SLC24A3: variants seen among roughly 807,000 people sequenced by gnomAD.
The protein encoded by SLC24A3 is solute carrier family 24 member 3.
In SLC24A3, 28 loss-of-function variants were observed where a neutral mutation model predicts 75.8. The observed-to-expected ratio is 0.37, with a 90% CI of 0.27 to 0.51. The LOEUF (loss-of-function observed/expected upper bound fraction) is 0.51. SLC24A3 is among the 20% of genes least tolerant of loss of function. The pLI, the probability that SLC24A3 is intolerant of heterozygous loss-of-function variation, is 0.94. For synonymous variants in SLC24A3, 372 were observed against 334.1 expected (o/e 1.11, Z -1.24); for missense variants, 663 against 847.8 (o/e 0.78, Z 2.71).
Position 19,685,246 on chromosome 20 carries a change from T to G in SLC24A3, c.1209T>G (p.Val403=), listed in dbSNP as rs376060009. ...RGVNGTRRDD[V]VAEAGNETEN... ...TGAATGGGACACGGAGGGACGATGT[T>G]GTGGCTGAGGCTGGCAACGAAACAG... Residue 403 remains valine, a synonymous_variant, in exon 12 of 17, where the codon GTT becomes GTG. Transcript: ENST00000328041. The G allele has an allele frequency of 1.1e-5, 18 of 1,613,914 alleles. No homozygotes were observed. The highest frequency in any genetic ancestry group is 1.5e-5 in the Non-Finnish European group (18 of 1,180,014).
intron 6 of SLC24A3, among the ~76,000 whole-genome samples, chr20:19,590,496 G>A (rs565151446): frequency 6.6e-6 from 1 of 152,290 alleles, no homozygotes; most frequent in East Asian, 1.9e-4. Flanking sequence ...TAAAAATAGG[G>A]GCTGGAGGCC....
chr20:19,390,676 GGAGCCTACATTTGCT>G (rs1464286615), intron 2 of SLC24A3, among the ~76,000 whole-genome samples: 3 of 152,200 alleles, frequency 2.0e-5, no homozygotes, highest in African/African-American at 7.2e-5. Context: ...GGCTGGACCT[GGAGCCTACATTTGCT>G]GAATTTCCTG....
At chr20:19,436,400 ACTC>A (rs1340273461) in intron 2 of SLC24A3, among the ~76,000 whole-genome samples, 1 of 152,070 alleles carries the variant, frequency 6.6e-6, no homozygotes, top group African/African-American at 2.4e-5. Context: ...GTGAGAAAGA[ACTC>A]CTGCTCTACC....
intron 8 of SLC24A3, 80 bp from the exon 9 acceptor site, chr20:19,673,521 C>G (rs2032492350): frequency 7.8e-7 from 1 of 1,276,570 alleles, no homozygotes; most frequent in African/African-American, 1.5e-5. Flanking sequence ...CCGTTTGCAT[C>G]AAATATGTCT....
At chr20:19,239,120 TAA>T (rs11480954) in intron 1 of SLC24A3, among the ~76,000 whole-genome samples, 10 of 141,064 alleles carry the variant, frequency 7.1e-5, no homozygotes, top group Admixed American at 7.1e-5. Context: ...AAGCTTATTT[TAA>T]AAAAAAAAAA....
chr20:19,674,925 C>G (rs767278404), intron 9 of SLC24A3, among the ~76,000 whole-genome samples: 1 of 152,036 alleles, frequency 6.6e-6, no homozygotes, highest in Non-Finnish European at 1.5e-5. Flanking sequence ...TGGTGGCGTG[C>G]GCCTGTAATC....
At chr20:19,265,101 G>A (rs1600400402) in intron 1 of SLC24A3, among the ~76,000 whole-genome samples, 3 of 152,144 alleles carry the variant, frequency 2.0e-5, no homozygotes, top group African/African-American at 2.4e-5. Context: ...ATATTGCAAC[G>A]TAAAGCATTA....
intron 2 of SLC24A3, among the ~76,000 whole-genome samples, chr20:19,374,635 G>A (rs1009965416): frequency 1.3e-5 from 2 of 152,190 alleles, no homozygotes; most frequent in Admixed American, 6.5e-5. Context: ...CCCCAAGCCT[G>A]TGGGGTAGGC....
At chr20:19,513,736 T>TTA (rs1555797242) in intron 2 of SLC24A3, among the ~76,000 whole-genome samples, 19 of 123,302 alleles carry the variant, frequency 1.5e-4, no homozygotes, top group African/African-American at 5.5e-4. Context: ...GCTTTTTTTT[T>TTA]AGAAAAAAAA....
intron 6 of SLC24A3, among the ~76,000 whole-genome samples, chr20:19,593,605 T>C (rs1434080431): frequency 6.6e-6 from 1 of 152,170 alleles, no homozygotes; most frequent in African/African-American, 2.4e-5. Flanking sequence ...ACTGTGTCAG[T>C]CACAGAACCA....
At chr20:19,585,128 C>T in intron 5 of SLC24A3, 73 bp downstream of exon 5, 1 of 1,363,182 alleles carries the variant, frequency 7.3e-7, no homozygotes, top group Non-Finnish European at 1.0e-6. Context: ...TGGATGGCCC[C>T]CAGACCGAGA....
At chr20:19,320,691 G>T (rs535484581) in intron 2 of SLC24A3, among the ~76,000 whole-genome samples, 12 of 152,198 alleles carry the variant, frequency 7.9e-5, no homozygotes, top group Middle Eastern at 3.4e-3. Context: ...CCGAGGGTGG[G>T]TGCCCAAATC....
At chr20:19,363,365 G>A (rs1985827496) in intron 2 of SLC24A3, among the ~76,000 whole-genome samples, 2 of 152,220 alleles carry the variant, frequency 1.3e-5, no homozygotes, top group South Asian at 2.1e-4. Flanking sequence ...CCTCAGACCT[G>A]GTCATTGGAC....
rs118087004 is a variant in SLC24A3 at position 19,521,527 on chromosome 20, G to A, written c.348+5963G>A. ...TGTTCTTGAAGGAGCATGAGGCTGGGACACCTCCTGGGAGAGCCCAGGTTC... is the reference window on the plus strand; with the variant it reads ...TGTTCTTGAAGGAGCATGAGGCTGGAACACCTCCTGGGAGAGCCCAGGTTC... On this transcript the variant is annotated intron_variant, in intron 3 of 16. Coordinates refer to ENST00000328041, the MANE Select transcript of SLC24A3 (RefSeq NM_020689.4). 1.4e-4 allele frequency among the ~76,000 whole-genome samples: 22 copies of A among 152,132 alleles called. No individual in the cohort carries two copies. In the East Asian group the frequency reaches 4.1e-3, roughly 28 times the overall value.
chr20:19,375,973 C>A (rs764519037), intron 2 of SLC24A3, among the ~76,000 whole-genome samples: 1 of 152,140 alleles, frequency 6.6e-6, no homozygotes, highest in Non-Finnish European at 1.5e-5. Flanking sequence ...AGTTCTCTTG[C>A]GTGTCTTGAG....
chr20:19,540,639 A>G (rs758604850), intron 3 of SLC24A3, among the ~76,000 whole-genome samples: 3 of 152,228 alleles, frequency 2.0e-5, no homozygotes, highest in African/African-American at 7.2e-5. Flanking sequence ...GTGGGTGGTT[A>G]GTACTGCATG....
At chr20:19,594,866 G>T (rs1351035879) in intron 6 of SLC24A3, among the ~76,000 whole-genome samples, 1 of 152,148 alleles carries the variant, frequency 6.6e-6, no homozygotes, top group East Asian at 1.9e-4. Context: ...AGAAGTTACT[G>T]TGTTATAAAG....
At chr20:19,610,874 C>T (rs572486578) in intron 6 of SLC24A3, among the ~76,000 whole-genome samples, 10 of 152,190 alleles carry the variant, frequency 6.6e-5, no homozygotes, top group Non-Finnish European at 1.5e-4. Context: ...AGAGTGGGCT[C>T]GGGCCACCAG....
At chr20:19,376,916 C>T (rs1986093272) in intron 2 of SLC24A3, among the ~76,000 whole-genome samples, 1 of 152,138 alleles carries the variant, frequency 6.6e-6, no homozygotes, top group Non-Finnish European at 1.5e-5. Flanking sequence ...ATTAAAAGTG[C>T]CAGGTGCAGG....
Sources: gnomAD v4.1 joint callset for allele counts (sites outside exome capture counted in the v4.1 genomes callset) on GRCh38, gnomAD v4.1.1 for gene constraint, MANE v1.5 for transcripts, NCBI Gene and HGNC (gene_info 2026-07-23, HGNC 2026-07-21) for gene names.